The following SLC35G2 variants were observed in gnomAD, a reference collection of about 807,000 sequenced individuals.
SLC35G2 encodes the protein solute carrier family 35 member G2.
SLC35G2 carries 20 observed loss-of-function variants against 27.2 expected under a neutral mutation model. The observed-to-expected ratio is 0.74, with a 90% CI of 0.52 to 1.07. The LOEUF is 1.07. SLC35G2 is among the 50% of genes least tolerant of loss of function. The pLI is 0.00. For missense variants in SLC35G2, 416 were observed against 493.3 expected (o/e 0.84, Z 1.48); for synonymous variants, 148 against 165.3 (o/e 0.90, Z 0.80).
intron 1 of SLC35G2, among the ~76,000 whole-genome samples, chr3:136,847,968 C>T (rs1385403569): frequency 2.0e-5 from 3 of 152,158 alleles, no homozygotes; most frequent in Non-Finnish European, 4.4e-5. Flanking sequence ...CAGAGCAAGA[C>T]TCTGTCTCAA....
At chr3:136,824,351 G>A (rs757214959) in intron 1 of SLC35G2, among the ~76,000 whole-genome samples, 2 of 152,090 alleles carry the variant, frequency 1.3e-5, no homozygotes, top group Non-Finnish European at 1.5e-5. Flanking sequence ...TCCAATCCAT[G>A]AACATGAAAT....
chr3:136,820,046 G>A (rs1182007887), intron 1 of SLC35G2: 1 of 152,330 alleles, frequency 6.6e-6, no homozygotes, highest in Non-Finnish European at 1.5e-5. Context: ...CGGCAGGAAA[G>A]AGACTCGTGT....
rs1328821199 is a variant in SLC35G2, at chr3:136,854,709, G to C, written c.249G>C (p.Met83Ile). 3.1e-6 allele frequency: 5 copies of C among 1,613,992 alleles called. No homozygotes were observed. Among genetic ancestry groups the C allele is most frequent in the Non-Finnish European group, 4.2e-6 (5 of 1,180,020 alleles). ...TACCTCCACCAACAGAAGACCCAATGATCAATGAGATTGGACAATTCCAGA... is the reference window on the plus strand; with the variant it reads ...TACCTCCACCAACAGAAGACCCAATCATCAATGAGATTGGACAATTCCAGA... ...DTLPPPTEDP[M>I]INEIGQFQSF... The change falls in exon 2 of 2, where the codon ATG (methionine) becomes ATC (isoleucine). Residue 83 changes from methionine (M) to isoleucine (I), a missense_variant. Physicochemically the swap from Met to Ile is conservative, Grantham distance 10. Coordinates refer to ENST00000446465, the MANE Select transcript of SLC35G2 (RefSeq NM_025246.3).
In SLC35G2 at chr3:136,853,587, A is replaced by T. The variant is rs1937787849; in HGVS notation, c.-18-856A>T. Among the ~76,000 whole-genome samples the T allele has an allele frequency of 2.6e-5, 4 of 152,316 alleles. No homozygotes were observed. In the East Asian group the frequency reaches 7.7e-4, roughly 29 times the overall value. ...ACAATTCAAAAATAAAAATGTAAAAAAATAAATAACAAAAAGGTTTTCTTC... is the reference window on the plus strand; with the variant it reads ...ACAATTCAAAAATAAAAATGTAAAATAATAAATAACAAAAAGGTTTTCTTC... On this transcript the variant is annotated intron_variant, in intron 1 of 1. Transcript: ENST00000446465.
chr3:136,822,816 G>T (rs1936489535), intron 1 of SLC35G2, among the ~76,000 whole-genome samples: 1 of 152,162 alleles, frequency 6.6e-6, no homozygotes, highest in African/African-American at 2.4e-5. Context: ...ATCTGTTGAT[G>T]GACACTTACG....
At chr3:136,822,059 A>G (rs1040270695) in intron 1 of SLC35G2, among the ~76,000 whole-genome samples, 2 of 152,204 alleles carry the variant, frequency 1.3e-5, no homozygotes, top group South Asian at 4.1e-4. Flanking sequence ...TAATCATATC[A>G]TGGTAAATGG....
Position 136,854,445 on chromosome 3 carries a change from T to G in SLC35G2, c.-16T>G, listed in dbSNP as rs747172841. ...TGTCAATTTTTTTCTTTAAATAGAA[T>G]TGATTATCTGAAGAAATGGATACTT... is the stretch of plus-strand genomic sequence containing the variant. On this transcript the variant is annotated splice_region_variant and 5_prime_UTR_variant, in exon 2 of 2. Coordinates refer to ENST00000446465, the MANE Select transcript of SLC35G2 (RefSeq NM_025246.3). The G allele has an allele frequency of 6.5e-7, 1 of 1,540,846 alleles. No homozygotes were observed. Among genetic ancestry groups the G allele is most frequent in the South Asian group, 1.2e-5 (1 of 81,808 alleles).
intron 1 of SLC35G2, among the ~76,000 whole-genome samples, chr3:136,851,481 A>G (rs890078014): frequency 1.8e-5 from 2 of 112,920 alleles, no homozygotes. Context: ...CTGGGCGAAG[A>G]GTGAGACTCC....
Position 136,855,581 on chromosome 3 carries a change from A to G in SLC35G2, c.1121A>G (p.Asp374Gly). The G allele has an allele frequency of 6.2e-7, 1 of 1,614,006 alleles. No individual in the cohort carries two copies. Among genetic ancestry groups the G allele is most frequent in the Non-Finnish European group, 8.5e-7 (1 of 1,179,958 alleles). The change falls in exon 2 of 2, where the codon GAT becomes GGT. Residue 374 changes from aspartate to glycine, a missense_variant. By Grantham distance (94) the Asp-to-Gly change is moderately conservative. Coordinates refer to ENST00000446465, the MANE Select transcript of SLC35G2 (RefSeq NM_025246.3). ...CTGCACATATTTCCTAGCATCTATG[A>G]TGTTTTTGGAGGGGTAATCATTATG... is the stretch of plus-strand genomic sequence containing the variant. ...LVLHIFPSIY[D>G]VFGGVIIMIS...
intron 1 of SLC35G2, among the ~76,000 whole-genome samples, chr3:136,847,266 G>A (rs1937426328): frequency 6.6e-6 from 1 of 152,170 alleles, no homozygotes; most frequent in Admixed American, 6.5e-5. Flanking sequence ...GCCAAGGAGA[G>A]CTGCCTACTA....
At chr3:136,833,435 T>C (rs1256113017) in intron 1 of SLC35G2, among the ~76,000 whole-genome samples, 1 of 152,196 alleles carries the variant, frequency 6.6e-6, no homozygotes, top group Non-Finnish European at 1.5e-5. Flanking sequence ...AACTGTACTA[T>C]TTGATGGGGA....
chr3:136,836,928 C>T lies in SLC35G2; in HGVS notation c.-19+17300C>T, dbSNP rs562809261. ...TTCTCTTTTAGTGCTGACTTCATTT[C>T]CTGGTCCAGAAGATCAGAAATCTGT... On this transcript the variant is annotated intron_variant, in intron 1 of 1. Transcript: ENST00000446465. Among the ~76,000 whole-genome samples the T allele has an allele frequency of 5.6e-4, 85 of 152,280 alleles. No individual in the cohort carries two copies. In the South Asian group the frequency reaches 6.4e-3, roughly 12 times the overall value.
chr3:136,821,727 C>T (rs774270000), intron 1 of SLC35G2, among the ~76,000 whole-genome samples: 1 of 152,182 alleles, frequency 6.6e-6, no homozygotes, highest in East Asian at 1.9e-4. Flanking sequence ...CCACTGCACC[C>T]GGGCCTGCCT....
intron 1 of SLC35G2, among the ~76,000 whole-genome samples, chr3:136,852,511 G>A (rs1197124562): frequency 8.0e-6 from 1 of 124,766 alleles, no homozygotes; most frequent in Non-Finnish European, 1.7e-5. Context: ...TTTTTTTTTT[G>A]AGATGGAGTC....
chr3:136,819,975 C>T (rs6439666), intron 1 of SLC35G2: 13,219 of 152,294 alleles, frequency 0.087, 1,894 homozygotes, highest in African/African-American at 0.3. Flanking sequence ...AGAATTTCTA[C>T]GCCACGTGCA....
At chr3:136,824,945 C>G (rs1027877544) in intron 1 of SLC35G2, among the ~76,000 whole-genome samples, 1 of 152,138 alleles carries the variant, frequency 6.6e-6, no homozygotes, top group African/African-American at 2.4e-5. Context: ...ATGTTCCTCA[C>G]CCTGTGTCCA....
chr3:136,850,735 T>C (rs1937598590), intron 1 of SLC35G2, among the ~76,000 whole-genome samples: 1 of 151,398 alleles, frequency 6.6e-6, no homozygotes, highest in Non-Finnish European at 1.5e-5. Flanking sequence ...GGCTCACGCC[T>C]GTAATCCCAG....
chr3:136,841,969 CAA>C (rs1174560200), intron 1 of SLC35G2: 3 of 151,900 alleles, frequency 2.0e-5, no homozygotes, highest in Non-Finnish European at 4.4e-5. Context: ...CTAGTATAAA[CAA>C]AAAGTAATAA....
In SLC35G2 at chr3:136,850,195, T is replaced by C. The variant is rs188475550; in HGVS notation, c.-18-4248T>C. Among the ~76,000 whole-genome samples the C allele has an allele frequency of 5.2e-3, 798 of 152,344 alleles. 6 individuals carry two copies. Among genetic ancestry groups the C allele is most frequent in the Non-Finnish European group, 8.2e-3 (555 of 68,032 alleles). Reference sequence around the variant, plus strand: ...AAGTGATACAGTTTGTTTCAACATATTGAGATATTGGATCCTTTTAAATTC... The same window carrying C: ...AAGTGATACAGTTTGTTTCAACATACTGAGATATTGGATCCTTTTAAATTC... On this transcript the variant is annotated intron_variant, in intron 1 of 1. Coordinates refer to ENST00000446465, the MANE Select transcript of SLC35G2 (RefSeq NM_025246.3).
Sources: allele counts gnomAD v4.1 joint callset (sites outside exome capture counted in the v4.1 genomes callset), GRCh38; gene constraint gnomAD v4.1.1; transcripts MANE v1.5; gene names NCBI Gene and HGNC (gene_info 2026-07-23, HGNC 2026-07-21).